Variants in NOTCH1 observed in about 807,000 individuals in gnomAD.
The protein encoded by NOTCH1 is neurogenic locus notch homolog protein 1.
A neutral mutation model predicts 254.8 loss-of-function variants in NOTCH1; 37 were observed. That is an observed-to-expected ratio of 0.15 (90% CI 0.11 to 0.19). NOTCH1 has a LOEUF of 0.19. Ranked by LOEUF, NOTCH1 falls within the 10% of genes least tolerant of loss-of-function variation. The pLI is 1.00. For missense variants in NOTCH1, 2,972 were observed against 3,708.6 expected, an observed-to-expected ratio of 0.80 and a Z score of 5.16; for synonymous variants, 1,731 against 1,618.1, an observed-to-expected ratio of 1.07 and a Z score of -1.68.
chr9:136,514,392 G>T, intron 13 of NOTCH1, 118 bp downstream of exon 13: 1 of 1,145,640 alleles, frequency 8.7e-7, no homozygotes, highest in Non-Finnish European at 1.3e-6. Context: ...CTGCCACCCA[G>T]CCCCGTCCGA....
At position 136,519,414 on chromosome 9, in the gene NOTCH1, C is replaced by T. The variant is rs770569883; in HGVS notation, c.865+29G>A. 6.9e-5 allele frequency: 111 copies of T among 1,611,884 alleles called. No homozygotes were observed. The South Asian group carries it at 1.1e-3, about 16-fold the overall frequency. On this transcript the variant is annotated intron_variant, in intron 5 of 33. Transcript: ENST00000651671. ...GTGGGTAGCAGCCCCGCCCCGGCTA[C>T]CCCGCCCTGCGGCGACCCGTATACG... is the stretch of plus-strand genomic sequence containing the variant.
In NOTCH1 at chr9:136,540,879, A is replaced by G. The variant is rs1438762475; in HGVS notation, c.140+3145T>C. 6.6e-6 allele frequency among the ~76,000 whole-genome samples: 1 copy of G among 152,146 alleles called. No homozygotes were observed. The highest frequency in any genetic ancestry group is 1.5e-5 in the Non-Finnish European group (1 of 68,020). On this transcript the variant is annotated intron_variant, in intron 2 of 33. Coordinates refer to ENST00000651671, the MANE Select transcript of NOTCH1 (RefSeq NM_017617.5). This position sits in a 1 kb window ranked among gnomAD's most constrained non-coding sequence, Gnocchi z 4.4. The stretch of plus-strand genomic sequence containing the variant: ...TTAGCTGCCCCCTGCCTCAACGCCC[A>G]GCCCAGACGCAGGCAGCCCTGGGAG...
chr9:136,508,053 T>C lies in NOTCH1; in HGVS notation c.3412A>G (p.Thr1138Ala). The C allele has an allele frequency of 1.9e-6, 3 of 1,611,870 alleles. No individual in the cohort carries two copies. The highest frequency in any genetic ancestry group is 1.1e-5 in the South Asian group (1 of 91,088). The change falls in exon 21 of 34, where the codon ACA becomes GCA. Residue 1138 changes from threonine to alanine, a missense_variant. Around this residue, in one of 8 missense-constraint regions of NOTCH1, gnomAD observed 1,343 missense variants for 1,557.0 expected, o/e 0.86. Transcript: ENST00000651671. ...THHCRCQAGY[T>A]GSYCEDLVDE... ...ACCAGGTCCTCACAGTAGCTGCCTG[T>C]GTAGCCCGCCTGGCAGCGGCAGTGG...
intron 2 of NOTCH1, 119 bp from the exon 3 acceptor site, chr9:136,524,098 C>T: frequency 7.6e-7 from 1 of 1,318,178 alleles, no homozygotes; most frequent in Non-Finnish European, 1.1e-6. Context: ...GGCACGGGCA[C>T]AACGGCTGCT....
intron 2 of NOTCH1, among the ~76,000 whole-genome samples, chr9:136,533,935 C>T (rs1372559444): frequency 6.6e-6 from 1 of 152,242 alleles, no homozygotes; most frequent in Non-Finnish European, 1.5e-5. Context: ...GTCTCCCCGC[C>T]GTGGCTCCCT....
At chr9:136,543,188 C>T (rs144581053) in intron 2 of NOTCH1, 165 of 169,312 alleles carry the variant, frequency 9.7e-4, no homozygotes, top group African/African-American at 3.3e-3. Context: ...AAGGCGGGTC[C>T]GATTTTGAAG....
intron 2 of NOTCH1, among the ~76,000 whole-genome samples, chr9:136,531,744 G>A (rs1010359132): frequency 4.6e-5 from 7 of 152,338 alleles, no homozygotes; most frequent in Middle Eastern, 3.4e-3. Flanking sequence ...CATCCCGGGG[G>A]CAGACGCCGC....
intron 2 of NOTCH1, among the ~76,000 whole-genome samples, chr9:136,531,450 C>T (rs78640476): frequency 0.018 from 2,709 of 152,340 alleles, 158 homozygotes; most frequent in East Asian, 0.17. Context: ...CCCCGCACCC[C>T]CAGCCCCACC....
At chr9:136,535,754 CCGGGGCAA>C in intron 2 of NOTCH1, among the ~76,000 whole-genome samples, 1 of 56,256 alleles carries the variant, frequency 1.8e-5, no homozygotes, top group East Asian at 6.6e-4. Context: ...AGGATCCCTC[CCGGGGCAA>C]TGAGTGCAGG....
intron 9 of NOTCH1, among the ~76,000 whole-genome samples, chr9:136,516,754 G>A (rs1400791105): frequency 6.6e-6 from 1 of 152,168 alleles, no homozygotes; most frequent in East Asian, 1.9e-4. Context: ...CCAGATCAAG[G>A]AGGATCTCCT....
chr9:136,536,965 G>T (rs1359366372), intron 2 of NOTCH1, among the ~76,000 whole-genome samples: 1 of 152,252 alleles, frequency 6.6e-6, no homozygotes, highest in Non-Finnish European at 1.5e-5. Context: ...GGGGCTAAGG[G>T]ATGCTGAACA....
In NOTCH1 at chr9:136,510,067, C is replaced by A. The variant is rs913292874; in HGVS notation, c.2741-106G>T. ...TGGGGACAGCCCAGCCTTTCGTTGC[C>A]GAGGCTGCGGCAAGCAGCCCTGTGA... On this transcript the variant is annotated intron_variant, in intron 17 of 33. Transcript: ENST00000651671. 8 of 1,112,640 alleles carry A rather than the reference C, an allele frequency of 7.2e-6. No homozygotes were observed. The African/African-American group carries it at 9.2e-5, about 13-fold the overall frequency. 68.9% of individuals were successfully genotyped at this position (1,112,640 alleles called of 1,614,324 possible).
rs1209737669 is a variant in NOTCH1, at chr9:136,500,672, G to A, written c.5814C>T (p.Tyr1938=). Residue 1938 remains tyrosine, a synonymous_variant, in exon 31 of 34, where the codon TAC becomes TAT. Transcript: ENST00000651671. ...GETALHLAAR[Y]SRSDAAKRLL... The stretch of plus-strand genomic sequence containing the variant: ...GGCGCTTGGCGGCATCAGAGCGTGA[G>A]TAGCGGGCGGCCAGGTGCAAGGCGG... 2 of 1,611,552 alleles carry A rather than the reference G, an allele frequency of 1.2e-6. No homozygotes were observed. The highest frequency in any genetic ancestry group is 1.7e-6 in the Non-Finnish European group (2 of 1,179,908).
At position 136,505,568 on chromosome 9, in the gene NOTCH1, G is replaced by C. The variant is rs750010764; in HGVS notation, c.4328C>G (p.Pro1443Arg). The change falls in exon 25 of 34, where the codon CCG (proline) becomes CGG (arginine). Residue 1443 changes from proline (P) to arginine (R), a missense_variant. Pro to Arg is a moderately radical substitution (Grantham distance 103). This residue lies in a region of NOTCH1 where 1,343 missense variants were observed against 1,557.0 expected (regional missense o/e 0.86). Coordinates refer to ENST00000651671, the MANE Select transcript of NOTCH1 (RefSeq NM_017617.5). ...GGGAGRDIPP[P>R]LIEEACELPE... The stretch of plus-strand genomic sequence containing the variant: ...CAGCTCGCACGCCTCCTCGATCAGC[G>C]GCGGGGGGATGTCGCGCCCGGCCCC... 6.2e-7 allele frequency: 1 copy of C among 1,610,638 alleles called. No individual in the cohort carries two copies. Among genetic ancestry groups the C allele is most frequent in the Non-Finnish European group, 8.5e-7 (1 of 1,178,962 alleles).
At chr9:136,509,323 C>T (rs1274378914) in intron 18 of NOTCH1, among the ~76,000 whole-genome samples, 1 of 152,158 alleles carries the variant, frequency 6.6e-6, no homozygotes, top group African/African-American at 2.4e-5. Flanking sequence ...AACGCGTGGG[C>T]ATAGGGTGGT....
At position 136,544,012 on chromosome 9, in the gene NOTCH1, G is replaced by T; in HGVS notation, c.140+12C>A. The T allele has an allele frequency of 6.4e-7, 1 of 1,566,504 alleles. No homozygotes were observed. Among genetic ancestry groups the T allele is most frequent in the Non-Finnish European group, 8.6e-7 (1 of 1,156,204 alleles). On this transcript the variant is annotated intron_variant, in intron 2 of 33. Coordinates refer to ENST00000651671, the MANE Select transcript of NOTCH1 (RefSeq NM_017617.5). ...TCGACAAAGCAACAGGTCCCGCAGG[G>T]GTGGTACTCACACGCAGGCCTCCGT... is the stretch of plus-strand genomic sequence containing the variant.
At position 136,518,121 on chromosome 9, in the gene NOTCH1, C is replaced by T. The variant is rs1487535521; in HGVS notation, c.1255+16G>A. 1 of 1,577,436 alleles carries T rather than the reference C, an allele frequency of 6.3e-7. No individual in the cohort carries two copies. Among genetic ancestry groups the T allele is most frequent in the African/African-American group, 1.3e-5 (1 of 74,236 alleles). On this transcript the variant is annotated intron_variant, in intron 7 of 33. Coordinates refer to ENST00000651671, the MANE Select transcript of NOTCH1 (RefSeq NM_017617.5). ...TGCCACCCCCACCTGGCCGCACCCC[C>T]TGTGCTGGCACCTACCCAGCGAGCA...
rs1842902408 is a variant in NOTCH1, at chr9:136,495,554, C to G, written c.*517G>C. On this transcript the variant is annotated 3_prime_UTR_variant, in exon 34 of 34. Transcript: ENST00000651671. ...CGTTTGCCTCTGGATGCAGCTTCTCCTAACAGGCAGGTGATGCTGGTGGAG... is the reference window on the plus strand; with the variant it reads ...CGTTTGCCTCTGGATGCAGCTTCTCGTAACAGGCAGGTGATGCTGGTGGAG... The G allele has an allele frequency of 7.5e-6, 3 of 399,916 alleles. No individual in the cohort carries two copies. The highest frequency in any genetic ancestry group is 1.3e-5 in the Non-Finnish European group (3 of 226,980). The allele number at this position is 399,916 out of a possible 1,614,324, so 24.8% of individuals were successfully genotyped here. A position where few individuals can be genotyped will look rare whatever the true frequency, so the allele number is the denominator to read the frequency against.
chr9:136,506,297 G>A lies in NOTCH1; in HGVS notation c.4014+230C>T, dbSNP rs528513169. Among the ~76,000 whole-genome samples, 14 of 152,108 alleles carry A rather than the reference G, an allele frequency of 9.2e-5. No homozygotes were observed. Among genetic ancestry groups the A allele is most frequent in the African/African-American group, 1.4e-4 (6 of 41,464 alleles). On this transcript the variant is annotated intron_variant, in intron 24 of 33. Coordinates refer to ENST00000651671, the MANE Select transcript of NOTCH1 (RefSeq NM_017617.5). This position sits in a 1 kb window ranked among gnomAD's most constrained non-coding sequence, Gnocchi z 4.5. ...GCAAGCTGCTAACCAGGGGAACTGC[G>A]TGCAGGGGACAGCCACCCCAGGGAG...
Sources: allele counts gnomAD v4.1 joint callset (sites outside exome capture counted in the v4.1 genomes callset), GRCh38; gene constraint gnomAD v4.1.1; regional missense constraint gnomAD v4.1.1; non-coding constraint Gnocchi (gnomAD v3.1); transcripts MANE v1.5; gene names NCBI Gene and HGNC (gene_info 2026-07-23, HGNC 2026-07-21).